The following PIP5K1A variants were observed in gnomAD, a reference collection of about 807,000 sequenced individuals.
PIP5K1A encodes the protein phosphatidylinositol-4-phosphate 5-kinase type 1 alpha, also known as phosphatidylinositol 4-phosphate 5-kinase type-1 alpha.
Under a neutral mutation model 72.9 loss-of-function variants are expected in PIP5K1A, and 46 were observed. The ratio of observed to expected loss-of-function variants is 0.63; its 90% confidence interval spans 0.50 to 0.81. The LOEUF is 0.81. PIP5K1A is among the 30% of genes least tolerant of loss of function. The probability of loss-of-function intolerance (pLI) is 0.00; values close to 1 mark genes in which losing one functional copy is unlikely to be tolerated. For missense variants in PIP5K1A, 458 were observed against 706.1 expected, an observed-to-expected ratio of 0.65 and a Z score of 3.98; for synonymous variants, 228 against 255.1, an observed-to-expected ratio of 0.89 and a Z score of 1.01.
At chr1:151,242,294 A>C in intron 13 of PIP5K1A, 25 bp downstream of exon 13, 2 of 1,612,268 alleles carry the variant, frequency 1.2e-6, no homozygotes, top group Non-Finnish European at 1.7e-6. Flanking sequence ...TGGGGTCCCC[A>C]TGTGATTGGG....
intron 1 of PIP5K1A, among the ~76,000 whole-genome samples, chr1:151,206,528 G>A (rs1415822621): frequency 6.6e-6 from 1 of 152,022 alleles, no homozygotes; most frequent in African/African-American, 2.4e-5. Flanking sequence ...TTTGTTTTTA[G>A]GATATTTAAT....
At position 151,236,603 on chromosome 1, in the gene PIP5K1A, A is replaced by G. The variant is rs766446469; in HGVS notation, c.985A>G (p.Ile329Val). Residue 329 changes from isoleucine (I) to valine (V), a missense_variant, in exon 9 of 16, where the codon ATC becomes GTC. By Grantham distance (29) the Ile-to-Val change is conservative. Around this residue, in one of 3 missense-constraint regions of PIP5K1A, gnomAD observed 220 missense variants for 442.6 expected, o/e 0.50. Coordinates refer to ENST00000368888, the MANE Select transcript of PIP5K1A (RefSeq NM_001135638.2). ...KIMDYSLLMS[I>V]HNIDHAQREP... Reference sequence around the variant, plus strand: ...AATGGATTACAGCCTCTTGATGTCAATCCATAATATAGATCATGCACAACG... The same window carrying G: ...AATGGATTACAGCCTCTTGATGTCAGTCCATAATATAGATCATGCACAACG... 5.6e-6 allele frequency: 9 copies of G among 1,612,552 alleles called. No individual in the cohort carries two copies. Among genetic ancestry groups the G allele is most frequent in the African/African-American group, 2.7e-5 (2 of 74,826 alleles).
At chr1:151,239,397 C>G (rs1054892110) in intron 11 of PIP5K1A, among the ~76,000 whole-genome samples, 4 of 151,856 alleles carry the variant, frequency 2.6e-5, no homozygotes, top group African/African-American at 9.7e-5. Flanking sequence ...CTCAGCTTCC[C>G]GAGTAGGTGG....
In PIP5K1A at chr1:151,221,856, G is replaced by C. The variant is rs748454644; in HGVS notation, c.86-2389G>C. Among the ~76,000 whole-genome samples the C allele has an allele frequency of 1.1e-4, 16 of 152,282 alleles. 2 individuals are homozygous for C. The highest frequency in any genetic ancestry group is 3.8e-4 in the African/African-American group (16 of 41,572). On this transcript the variant is annotated intron_variant, in intron 1 of 15. Coordinates refer to ENST00000368888, the MANE Select transcript of PIP5K1A (RefSeq NM_001135638.2). ...GGAGGCTGAGGTGGGAGGATCACTT[G>C]AATCCAGGAGTTTGAGACCAGCCTG...
At chr1:151,201,025 G>A (rs61817971) in intron 1 of PIP5K1A, among the ~76,000 whole-genome samples, 14,215 of 151,978 alleles carry the variant, frequency 0.094, 767 homozygotes, top group Non-Finnish European at 0.13. Flanking sequence ...TAGTAGAGAC[G>A]GGGTTTCACC....
intron 1 of PIP5K1A, among the ~76,000 whole-genome samples, chr1:151,205,051 A>C (rs1685742919): frequency 6.6e-6 from 1 of 152,232 alleles, no homozygotes; most frequent in Non-Finnish European, 1.5e-5. Flanking sequence ...TTCTTGGATA[A>C]TAAAGTGGAA....
chr1:151,208,735 TTTTTTTTTTTTTTTG>T (rs1686338354), intron 1 of PIP5K1A, among the ~76,000 whole-genome samples: 1 of 130,686 alleles, frequency 7.7e-6, no homozygotes, highest in African/African-American at 2.9e-5. Flanking sequence ...TTTTTTTTTT[TTTTTTTTTTTTTTTG>T]GAGACGGAGT....
chr1:151,225,218 C>T lies in PIP5K1A; in HGVS notation c.156+812C>T, dbSNP rs587709935. ...GGTGCACACCATAGTCCCAGCTACT[C>T]GGGATTGCTTGAGCCCAGGAGGTTG... is the stretch of plus-strand genomic sequence containing the variant. On this transcript the variant is annotated intron_variant, in intron 3 of 15. Coordinates refer to ENST00000368888, the MANE Select transcript of PIP5K1A (RefSeq NM_001135638.2). 1.7e-3 allele frequency among the ~76,000 whole-genome samples: 264 copies of T among 152,114 alleles called. 1 individual carries two copies. In the South Asian group the frequency reaches 0.02, roughly 12 times the overall value.
At chr1:151,224,111 ATCTGG>A (rs1358210348) in intron 1 of PIP5K1A, 129 bp from the exon 2 acceptor site, 4 of 792,192 alleles carry the variant, frequency 5.0e-6, no homozygotes, top group Non-Finnish European at 8.9e-6. Flanking sequence ...ATCCAAAAGG[ATCTGG>A]TATTACTGAG....
chr1:151,198,992 C>G lies in PIP5K1A; in HGVS notation c.-5C>G. 1 of 1,613,830 alleles carries G rather than the reference C, an allele frequency of 6.2e-7. No homozygotes were observed. Among genetic ancestry groups the G allele is most frequent in the Non-Finnish European group, 8.5e-7 (1 of 1,179,780 alleles). ...CAGGCCGCTGAGGGGGAGGGGGCTG[C>G]TAAGATGGCGTCGGCCTCCTCCGGG... On this transcript the variant is annotated 5_prime_UTR_variant, in exon 1 of 16. Coordinates refer to ENST00000368888, the MANE Select transcript of PIP5K1A (RefSeq NM_001135638.2).
chr1:151,213,026 A>G (rs4971014), intron 1 of PIP5K1A, among the ~76,000 whole-genome samples: 127,121 of 151,018 alleles, frequency 0.84, 53,717 homozygotes, highest in Non-Finnish European at 0.88. Flanking sequence ...GAGTAGCTGG[A>G]ACTACAGGCG....
chr1:151,244,744 A>G (rs745604703), intron 14 of PIP5K1A, among the ~76,000 whole-genome samples: 9 of 152,166 alleles, frequency 5.9e-5, no homozygotes, highest in Non-Finnish European at 1.0e-4. Context: ...GGACTTGTGC[A>G]TTGTGGATTT....
At chr1:151,246,255 A>G (rs959867614) in intron 14 of PIP5K1A, among the ~76,000 whole-genome samples, 3 of 152,066 alleles carry the variant, frequency 2.0e-5, no homozygotes, top group African/African-American at 2.4e-5. Flanking sequence ...CAAAAAGAAA[A>G]CAAAAATTTG....
At chr1:151,232,739 T>C (rs932361349) in intron 7 of PIP5K1A, 36 bp downstream of exon 7, 30 of 1,595,796 alleles carry the variant, frequency 1.9e-5, no homozygotes, top group Non-Finnish European at 2.4e-5. Flanking sequence ...CCTGTGCTGC[T>C]CACTTCTGGG....
chr1:151,226,230 G>A (rs587615904), intron 3 of PIP5K1A, among the ~76,000 whole-genome samples: 5 of 151,938 alleles, frequency 3.3e-5, no homozygotes, highest in Admixed American at 2.6e-4. Context: ...GGGATTACAG[G>A]TGCCTACTAC....
At chr1:151,232,430 C>A (rs1180450462) in intron 6 of PIP5K1A, 65 bp downstream of exon 6, 13 of 1,488,042 alleles carry the variant, frequency 8.7e-6, no homozygotes, top group Non-Finnish European at 1.1e-5. Context: ...AAGGAAGGCC[C>A]CTTTTCTCCA....
At chr1:151,230,739 C>T (rs1452443506) in intron 4 of PIP5K1A, among the ~76,000 whole-genome samples, 1 of 152,180 alleles carries the variant, frequency 6.6e-6, no homozygotes, top group African/African-American at 2.4e-5. Flanking sequence ...ACGGTTTCAC[C>T]ACATTGGCCA....
intron 14 of PIP5K1A, among the ~76,000 whole-genome samples, chr1:151,243,226 C>T (rs942646525): frequency 2.0e-4 from 30 of 152,178 alleles, no homozygotes; most frequent in Admixed American, 1.9e-3. Flanking sequence ...ACCTCCATGT[C>T]GAAAATACAC....
intron 1 of PIP5K1A, among the ~76,000 whole-genome samples, chr1:151,213,230 C>G (rs1687111320): frequency 6.6e-6 from 1 of 152,056 alleles, no homozygotes; most frequent in Non-Finnish European, 1.5e-5. Context: ...TTTTGGGGTA[C>G]TGCTCCTTGT....
Sources: gnomAD v4.1 joint callset for allele counts (sites outside exome capture counted in the v4.1 genomes callset) on GRCh38, gnomAD v4.1.1 for gene constraint, gnomAD v4.1.1 regional missense constraint, MANE v1.5 for transcripts, NCBI Gene and HGNC (gene_info 2026-07-23, HGNC 2026-07-21) for gene names.